HADH: variants seen among roughly 807,000 people sequenced by gnomAD.
HADH encodes the protein hydroxyacyl-coenzyme A dehydrogenase, mitochondrial.
Under a neutral mutation model 32.2 loss-of-function variants are expected in HADH, and 24 were observed. That is an observed-to-expected ratio of 0.75 (90% CI 0.54 to 1.05). HADH has a LOEUF of 1.05. HADH is among the 50% of genes least tolerant of loss of function. HADH has a pLI of 0.00. For synonymous variants in HADH, 139 were observed against 152.5 expected, an observed-to-expected ratio of 0.91 and a Z score of 0.65; for missense variants, 350 against 397.1, an observed-to-expected ratio of 0.88 and a Z score of 1.01.
intron 6 of HADH, chr4:108,032,560 T>A: frequency 2.0e-6 from 1 of 492,284 alleles, no homozygotes; most frequent in Non-Finnish European, 3.7e-6. Flanking sequence ...TAAATTATAC[T>A]TTAATAAATG....
In HADH at chr4:108,034,875, G is replaced by A. The variant is rs1418299540; in HGVS notation, c.*518G>A. 4 of 243,112 alleles carry A rather than the reference G, an allele frequency of 1.6e-5. No individual in the cohort carries two copies. The highest frequency in any genetic ancestry group is 8.9e-5 in the African/African-American group (4 of 45,076). The allele number at this position is 243,112 out of a possible 1,614,324, so 15.1% of individuals were successfully genotyped here. A position where few individuals can be genotyped will look rare whatever the true frequency, so the allele number is the denominator to read the frequency against. On this transcript the variant is annotated 3_prime_UTR_variant, in exon 8 of 8. Transcript: ENST00000309522. The stretch of plus-strand genomic sequence containing the variant: ...GCCCTACATTTTGGGCATGACATAA[G>A]ATGTGTCTTTATTCAGCTCGTCGTG...
In HADH at chr4:107,999,690, C is replaced by T. The variant is rs536566843; in HGVS notation, c.132+9626C>T. ...TTCATTTCATGAGTATGAAATATCT[C>T]CCTTGTGCTAGACATCAGGCCAGGT... On this transcript the variant is annotated intron_variant, in intron 1 of 7. Coordinates refer to ENST00000309522, the MANE Select transcript of HADH (RefSeq NM_005327.7). Among the ~76,000 whole-genome samples, 7 of 152,240 alleles carry T rather than the reference C, an allele frequency of 4.6e-5. No individual in the cohort carries two copies. In the East Asian group the frequency reaches 1.2e-3, roughly 25 times the overall value.
intron 1 of HADH, among the ~76,000 whole-genome samples, chr4:107,997,294 C>T (rs1734984290): frequency 6.6e-6 from 1 of 152,112 alleles, no homozygotes; most frequent in Non-Finnish European, 1.5e-5. Flanking sequence ...GGTGGCCCTC[C>T]TTGTAATGTC....
intron 5 of HADH, chr4:108,027,367 A>G (rs1736102036): frequency 2.3e-6 from 1 of 430,550 alleles, no homozygotes; most frequent in African/African-American, 2.0e-5. Flanking sequence ...CAGAAGGACC[A>G]AGAGAGTATT....
At position 107,989,998 on chromosome 4, in the gene HADH, C is replaced by G. The variant is rs1397259207; in HGVS notation, c.66C>G (p.Ala22=). 1 of 1,612,390 alleles carries G rather than the reference C, an allele frequency of 6.2e-7. No homozygotes were observed. The highest frequency in any genetic ancestry group is 2.2e-5 in the East Asian group (1 of 44,854). ...CCTCGTCCACCGCCTCGGCCTCGGC[C>G]AAGAAGATAATCGTCAAGCACGTGA... ...VSSSSTASAS[A]KKIIVKHVTV... The change falls in exon 1 of 8, where the codon GCC becomes GCG. Residue 22 remains alanine (A), a synonymous_variant. Coordinates refer to ENST00000309522, the MANE Select transcript of HADH (RefSeq NM_005327.7).
At chr4:108,014,773 T>C (rs1190710084) in intron 3 of HADH, among the ~76,000 whole-genome samples, 185 bp downstream of exon 3, 2 of 152,144 alleles carry the variant, frequency 1.3e-5, no homozygotes, top group African/African-American at 2.4e-5. Flanking sequence ...CTGTACCCAA[T>C]AGGTAATTTT....
intron 4 of HADH, among the ~76,000 whole-genome samples, chr4:108,020,247 A>T (rs1735839403): frequency 6.6e-6 from 1 of 152,148 alleles, no homozygotes. Context: ...AAGTTAGTGG[A>T]TTGCTTGAGA....
At chr4:108,028,121 T>C (rs1736127169) in intron 6 of HADH, 1 of 316,214 alleles carries the variant, frequency 3.2e-6, no homozygotes, top group South Asian at 4.0e-5. Flanking sequence ...GGCTAGGAGA[T>C]CTTGAAAGTT....
At chr4:108,010,627 G>A (rs1735454053) in intron 2 of HADH, among the ~76,000 whole-genome samples, 1 of 152,090 alleles carries the variant, frequency 6.6e-6, no homozygotes. Flanking sequence ...AAGTATCCAA[G>A]GTGGTATATC....
At chr4:108,001,344 A>T (rs948260971) in intron 1 of HADH, among the ~76,000 whole-genome samples, 1 of 152,230 alleles carries the variant, frequency 6.6e-6, no homozygotes, top group Non-Finnish European at 1.5e-5. Flanking sequence ...TCAGAAGGAA[A>T]TTATATTGGA....
At chr4:108,005,044 T>G in intron 1 of HADH, 1 of 611,706 alleles carries the variant, frequency 1.6e-6, no homozygotes, top group East Asian at 2.9e-5. Context: ...ATACCTTCTT[T>G]TTTTCTTTCT....
intron 2 of HADH, among the ~76,000 whole-genome samples, chr4:108,012,083 G>A (rs975364182): frequency 4.6e-5 from 7 of 151,836 alleles, no homozygotes; most frequent in African/African-American, 1.5e-4. Context: ...TTTTTTTAGA[G>A]ACAGAGTTGT....
intron 1 of HADH, among the ~76,000 whole-genome samples, chr4:108,003,105 CTTTTTTTTT>C (rs11390276): frequency 8.1e-6 from 1 of 124,214 alleles, no homozygotes; most frequent in Non-Finnish European, 1.6e-5. Flanking sequence ...GTGTCTTAGT[CTTTTTTTTT>C]TTTTTTTTTT....
chr4:108,019,700 C>T lies in HADH; in HGVS notation c.546+34C>T, dbSNP rs751580078. 1.9e-6 allele frequency: 3 copies of T among 1,612,838 alleles called. No homozygotes were observed. The South Asian group carries it at 3.3e-5, about 18-fold the overall frequency. ...GTGTCAGCTTGTGTGTGTCTGCCCG[C>T]TCTGCCAGCTCTCTCAGTCCTGCTT... On this transcript the variant is annotated intron_variant, in intron 4 of 7. Transcript: ENST00000309522.
rs1402192946 is a variant in HADH at position 108,014,636 on chromosome 4, T to A, written c.419+48T>A. 9 of 1,522,716 alleles carry A rather than the reference T, an allele frequency of 5.9e-6. No individual in the cohort carries two copies. The African/African-American group carries it at 9.7e-5, about 16-fold the overall frequency. 94.3% of individuals were successfully genotyped at this position (1,522,716 alleles called of 1,614,324 possible). A position where few individuals can be genotyped will look rare whatever the true frequency, so the allele number is the denominator to read the frequency against. On this transcript the variant is annotated intron_variant, in intron 3 of 7. Coordinates refer to ENST00000309522, the MANE Select transcript of HADH (RefSeq NM_005327.7). ...TCTTTTTTTTTTTTTTTAACCTTAT[T>A]TTTGTTTTTCATTTTTATTTTTTGT...
chr4:107,991,226 A>T (rs1734793305), intron 1 of HADH, among the ~76,000 whole-genome samples: 1 of 151,596 alleles, frequency 6.6e-6, no homozygotes. Flanking sequence ...CTAGCTGATT[A>T]TATTCTTAGC....
chr4:108,022,457 G>T (rs1735926356), intron 4 of HADH, among the ~76,000 whole-genome samples: 1 of 152,022 alleles, frequency 6.6e-6, no homozygotes. Flanking sequence ...GGAGCAGGTG[G>T]CAGGCCCCGC....
At chr4:107,995,181 T>G (rs1427835161) in intron 1 of HADH, among the ~76,000 whole-genome samples, 1 of 152,162 alleles carries the variant, frequency 6.6e-6, no homozygotes, top group Non-Finnish European at 1.5e-5. Context: ...CTGGTAGTGG[T>G]ATTCTAATCT....
chr4:108,020,416 G>A (rs1735844003), intron 4 of HADH, among the ~76,000 whole-genome samples: 1 of 152,188 alleles, frequency 6.6e-6, no homozygotes, highest in Non-Finnish European at 1.5e-5. Context: ...GCTGCAGTGA[G>A]CTGTGATTGC....
Sources: allele counts gnomAD v4.1 joint callset (sites outside exome capture counted in the v4.1 genomes callset), GRCh38; gene constraint gnomAD v4.1.1; transcripts MANE v1.5; gene names NCBI Gene and HGNC (gene_info 2026-07-23, HGNC 2026-07-21).